Variants in MYO1D observed in about 807,000 individuals in gnomAD.
The protein encoded by MYO1D is myosin ID, also known as unconventional myosin-Id.
A neutral mutation model predicts 122.0 loss-of-function variants in MYO1D; 83 were observed. The observed-to-expected ratio is 0.68, with a 90% confidence interval of 0.57 to 0.82. The LOEUF is 0.82. MYO1D is among the 40% of genes least tolerant of loss of function. The pLI, the probability that MYO1D is intolerant of heterozygous loss-of-function variation, is 0.00. For synonymous variants in MYO1D, 464 were observed against 446.9 expected (o/e 1.04, Z -0.48); for missense variants, 1,157 against 1,269.5 (o/e 0.91, Z 1.35).
chr17:32,752,001 C>T (rs1038861776), intron 11 of MYO1D, among the ~76,000 whole-genome samples: 1 of 152,072 alleles, frequency 6.6e-6, no homozygotes, highest in African/African-American at 2.4e-5. Context: ...AAACCAGAGG[C>T]ATCACATTAC....
chr17:32,775,174 G>A (rs1336964047), intron 4 of MYO1D, among the ~76,000 whole-genome samples: 1 of 152,106 alleles, frequency 6.6e-6, no homozygotes, highest in Non-Finnish European at 1.5e-5. Context: ...GGTGGGCCAT[G>A]CCTGTGGTCC....
chr17:32,856,095 T>C (rs2091025601), intron 1 of MYO1D, among the ~76,000 whole-genome samples: 2 of 152,214 alleles, frequency 1.3e-5, no homozygotes, highest in African/African-American at 4.8e-5. Flanking sequence ...GGATGATTTT[T>C]TTTTTCTTTT....
At chr17:32,743,521 C>T (rs1172391652) in intron 13 of MYO1D, among the ~76,000 whole-genome samples, 1 of 152,116 alleles carries the variant, frequency 6.6e-6, no homozygotes, top group Non-Finnish European at 1.5e-5. Context: ...ATCTTGTCAA[C>T]TCTACTTTCA....
At chr17:32,551,192 A>G (rs1163804553) in intron 21 of MYO1D, among the ~76,000 whole-genome samples, 2 of 152,166 alleles carry the variant, frequency 1.3e-5, no homozygotes, top group Non-Finnish European at 2.9e-5. Flanking sequence ...AATTGTCCCA[A>G]ACTATAGGAC....
intron 21 of MYO1D, among the ~76,000 whole-genome samples, chr17:32,517,752 C>T (rs1597869962): frequency 6.6e-6 from 1 of 152,304 alleles, no homozygotes; most frequent in South Asian, 2.1e-4. Context: ...GATAGGATTC[C>T]CCTTACATAC....
chr17:32,519,693 T>C (rs942599090), intron 21 of MYO1D, among the ~76,000 whole-genome samples: 15 of 152,000 alleles, frequency 9.9e-5, no homozygotes, highest in African/African-American at 2.4e-4. Flanking sequence ...CGGCTGTTTT[T>C]GTTTGTCTGT....
chr17:32,837,279 T>C (rs2090837020), intron 1 of MYO1D, among the ~76,000 whole-genome samples: 1 of 110,544 alleles, frequency 9.0e-6, no homozygotes, highest in Non-Finnish European at 1.8e-5. Context: ...ACTGGGCTGT[T>C]TGTCTTTTTT....
intron 20 of MYO1D, among the ~76,000 whole-genome samples, chr17:32,637,741 A>G (rs2088124905): frequency 6.6e-6 from 1 of 152,088 alleles, no homozygotes; most frequent in African/African-American, 2.4e-5. Context: ...TGGCCTTTCT[A>G]TTGAAAGGAA....
chr17:32,687,665 C>T (rs2089037830), intron 16 of MYO1D, among the ~76,000 whole-genome samples: 1 of 152,128 alleles, frequency 6.6e-6, no homozygotes, highest in Non-Finnish European at 1.5e-5. Flanking sequence ...ACTCTAGGGC[C>T]TACTGATTAC....
intron 7 of MYO1D, among the ~76,000 whole-genome samples, chr17:32,766,547 G>A (rs2090059322): frequency 6.6e-6 from 1 of 152,120 alleles, no homozygotes; most frequent in Non-Finnish European, 1.5e-5. Context: ...TGTAATCCCA[G>A]AACTTTGGGA....
intron 1 of MYO1D, among the ~76,000 whole-genome samples, chr17:32,871,061 TG>T (rs1348031085): frequency 3.3e-5 from 5 of 152,138 alleles, no homozygotes; most frequent in Admixed American, 2.0e-4. Flanking sequence ...CATCTGGTCT[TG>T]AAGGATGAGT....
At chr17:32,535,520 G>T (rs552785233) in intron 21 of MYO1D, among the ~76,000 whole-genome samples, 309 of 152,330 alleles carry the variant, frequency 2.0e-3, no homozygotes, top group African/African-American at 7.2e-3. Context: ...GGCCAAGGTG[G>T]ACGGATCACA....
At chr17:32,594,259 C>G in intron 21 of MYO1D, 1 of 285,232 alleles carries the variant, frequency 3.5e-6, no homozygotes. Flanking sequence ...TAAGATGTAC[C>G]CTTATTTTGT....
intron 8 of MYO1D, among the ~76,000 whole-genome samples, chr17:32,762,910 C>T (rs190855888): frequency 2.0e-5 from 3 of 151,136 alleles, no homozygotes; most frequent in Non-Finnish European, 4.4e-5. Context: ...AAAAAACGGC[C>T]GGGTGCGGTG....
intron 21 of MYO1D, among the ~76,000 whole-genome samples, chr17:32,560,571 AT>A (rs2087114391): frequency 1.9e-5 from 2 of 105,542 alleles, no homozygotes; most frequent in African/African-American, 3.9e-5. Context: ...ATATATATAT[AT>A]ATATAACTTT....
intron 16 of MYO1D, among the ~76,000 whole-genome samples, chr17:32,711,307 G>C (rs1341429622): frequency 6.6e-6 from 1 of 152,156 alleles, no homozygotes; most frequent in Non-Finnish European, 1.5e-5. Flanking sequence ...AGGTGAAGGA[G>C]GCAATTTCAA....
Position 32,711,934 on chromosome 17 carries a change from T to A in MYO1D, c.2121+54A>T, listed in dbSNP as rs188845375. The A allele has an allele frequency of 6.7e-5, 94 of 1,402,236 alleles. 1 individual carries two copies. In the African/African-American group the frequency reaches 1.1e-3, roughly 17 times the overall value. 86.9% of individuals were successfully genotyped at this position (1,402,236 alleles called of 1,614,324 possible). A position where few individuals can be genotyped will look rare whatever the true frequency, so the allele number is the denominator to read the frequency against. On this transcript the variant is annotated intron_variant, in intron 16 of 21. Coordinates refer to ENST00000318217, the MANE Select transcript of MYO1D (RefSeq NM_015194.3). ...TGAATTAAAGAAAATATGCAACAAA[T>A]TTTTAAGAACTTAAAAGCAAAATCT...
chr17:32,584,492 T>G (rs558213785), intron 21 of MYO1D, among the ~76,000 whole-genome samples: 1 of 151,704 alleles, frequency 6.6e-6, no homozygotes, highest in Non-Finnish European at 1.5e-5. Context: ...GTGAAATAGA[T>G]CTTCAGAACT....
intron 21 of MYO1D, among the ~76,000 whole-genome samples, chr17:32,595,068 C>G (rs1253438727): frequency 2.0e-5 from 3 of 152,136 alleles, no homozygotes; most frequent in Non-Finnish European, 2.9e-5. Context: ...TTCTGTCCCA[C>G]ACATATTACA....
Sources: gnomAD v4.1 joint callset for allele counts (sites outside exome capture counted in the v4.1 genomes callset) on GRCh38, gnomAD v4.1.1 for gene constraint, MANE v1.5 for transcripts, NCBI Gene and HGNC (gene_info 2026-07-23, HGNC 2026-07-21) for gene names.